The following GRM5 variants were observed in gnomAD, a reference collection of about 807,000 sequenced individuals.
The protein encoded by GRM5 is metabotropic glutamate receptor 5.
In GRM5, 19 loss-of-function variants were observed where a neutral mutation model predicts 83.1. That is an observed-to-expected ratio of 0.23 (90% confidence interval 0.16 to 0.34). The LOEUF (loss-of-function observed/expected upper bound fraction) is 0.34, where lower values mean the gene tolerates loss of function less well. Ranked by LOEUF, GRM5 falls within the 10% of genes least tolerant of loss-of-function variation. The probability of loss-of-function intolerance (pLI) is 1.00; values close to 1 mark genes in which losing one functional copy is unlikely to be tolerated. For synonymous variants in GRM5, 675 were observed against 633.6 expected (o/e 1.07, Z -0.98); for missense variants, 1,160 against 1,588.3 (o/e 0.73, Z 4.58).
intron 3 of GRM5, among the ~76,000 whole-genome samples, chr11:88,777,000 G>A (rs949481163): frequency 2.6e-5 from 4 of 152,118 alleles, no homozygotes; most frequent in African/African-American, 7.2e-5. Context: ...TGCTAGGTTG[G>A]GGAAGTTCTC....
chr11:88,881,966 G>C (rs1485736343), intron 2 of GRM5, among the ~76,000 whole-genome samples: 1 of 152,100 alleles, frequency 6.6e-6, no homozygotes, highest in Non-Finnish European at 1.5e-5. Context: ...GGAATGCTGG[G>C]CACGTTGGCT....
intron 3 of GRM5, among the ~76,000 whole-genome samples, chr11:88,783,102 A>G (rs989293574): frequency 2.6e-5 from 4 of 152,128 alleles, no homozygotes; most frequent in African/African-American, 9.6e-5. Context: ...GGTGGTATTT[A>G]AATCAATTAT....
chr11:88,558,376 A>G (rs1942674561), intron 8 of GRM5, among the ~76,000 whole-genome samples: 1 of 152,130 alleles, frequency 6.6e-6, no homozygotes, highest in African/African-American at 2.4e-5. Context: ...CATTCCAGTC[A>G]GTGTTTCTGC....
chr11:88,996,165 G>A (rs548750998), intron 2 of GRM5, among the ~76,000 whole-genome samples: 9 of 152,270 alleles, frequency 5.9e-5, no homozygotes, highest in African/African-American at 2.2e-4. Flanking sequence ...TAAACCCTGT[G>A]GGATAATTTT....
At chr11:88,736,729 C>A (rs894684721) in intron 3 of GRM5, among the ~76,000 whole-genome samples, 1 of 151,974 alleles carries the variant, frequency 6.6e-6, no homozygotes, top group Admixed American at 6.6e-5. Context: ...GATTCTCTGC[C>A]ATGTAATCCC....
chr11:88,752,355 G>T (rs966641314), intron 3 of GRM5, among the ~76,000 whole-genome samples: 6 of 152,114 alleles, frequency 3.9e-5, no homozygotes, highest in African/African-American at 1.4e-4. Context: ...ATTCACAATT[G>T]CTACAAAAAG....
At chr11:88,541,926 T>C (rs944261663) in intron 8 of GRM5, among the ~76,000 whole-genome samples, 2 of 152,176 alleles carry the variant, frequency 1.3e-5, no homozygotes, top group Non-Finnish European at 2.9e-5. Context: ...CTCATGATAG[T>C]GAGTGACTTC....
At chr11:89,024,040 AC>A (rs1019910376) in intron 2 of GRM5, among the ~76,000 whole-genome samples, 1 of 151,298 alleles carries the variant, frequency 6.6e-6, no homozygotes, top group Non-Finnish European at 1.5e-5. Flanking sequence ...ACGTGGTAAA[AC>A]CCCGTCTGTA....
intron 2 of GRM5, among the ~76,000 whole-genome samples, chr11:88,987,420 G>A (rs1235635033): frequency 3.0e-4 from 46 of 152,032 alleles, no homozygotes; most frequent in Non-Finnish European, 4.7e-4. Flanking sequence ...CAAGGCGGCA[G>A]CGAGGTTGGG....
At chr11:88,819,818 A>G (rs12280129) in intron 3 of GRM5, among the ~76,000 whole-genome samples, 3,874 of 152,246 alleles carry the variant, frequency 0.025, 172 homozygotes, top group African/African-American at 0.089. Context: ...TCTGGCAAGC[A>G]CTTTCTTGCT....
At position 89,060,074 on chromosome 11, in the gene GRM5, A is replaced by G. The variant is rs574374513; in HGVS notation, c.-201+5702T>C. ...TGAAGCCAGAGCCTGTACTTCCAAC[A>G]TACTACAACTCACTGGAAACCACAG... On this transcript the variant is annotated intron_variant, in intron 1 of 9. Coordinates refer to ENST00000305447, the MANE Select transcript of GRM5 (RefSeq NM_001143831.3). Among the ~76,000 whole-genome samples the G allele has an allele frequency of 3.3e-5, 5 of 152,256 alleles. No individual in the cohort carries two copies. The East Asian group carries it at 9.6e-4, about 29-fold the overall frequency.
chr11:88,972,880 C>T (rs529807608), intron 2 of GRM5, among the ~76,000 whole-genome samples: 1 of 152,268 alleles, frequency 6.6e-6, no homozygotes, highest in Admixed American at 6.5e-5. Context: ...GATATACACA[C>T]TGCAAAGAGC....
intron 2 of GRM5, among the ~76,000 whole-genome samples, chr11:89,023,166 C>T (rs59057890): frequency 0.1 from 12,072 of 118,156 alleles, 1,135 homozygotes; most frequent in African/African-American, 0.27. Flanking sequence ...TGTGTGTGTG[C>T]GCGCGCGTGC....
chr11:88,669,576 G>A (rs1207504573), intron 3 of GRM5, among the ~76,000 whole-genome samples: 2 of 151,894 alleles, frequency 1.3e-5, no homozygotes, highest in Non-Finnish European at 2.9e-5. Context: ...ATATACTACA[G>A]ATACACTATT....
chr11:88,988,663 C>T (rs578241159), intron 2 of GRM5, among the ~76,000 whole-genome samples: 5,640 of 151,110 alleles, frequency 0.037, 288 homozygotes, highest in African/African-American at 0.13. Context: ...GCGGATCTCT[C>T]GGCAGAAACC....
At chr11:88,646,870 A>C (rs1939470538) in intron 4 of GRM5, among the ~76,000 whole-genome samples, 2 of 147,754 alleles carry the variant, frequency 1.4e-5, no homozygotes, top group African/African-American at 4.9e-5. Context: ...AAATGAAGGA[A>C]TGTTAATTTT....
chr11:88,949,683 G>A (rs1421434729), intron 2 of GRM5, among the ~76,000 whole-genome samples: 2 of 152,066 alleles, frequency 1.3e-5, no homozygotes, highest in Admixed American at 1.3e-4. Flanking sequence ...GGAAATCTTT[G>A]AAATATATTA....
At chr11:89,027,327 C>A (rs1201677499) in intron 2 of GRM5, among the ~76,000 whole-genome samples, 1 of 150,862 alleles carries the variant, frequency 6.6e-6, no homozygotes, top group Non-Finnish European at 1.5e-5. Context: ...ATCTCTTGAC[C>A]TCGTGATCCA....
intron 3 of GRM5, among the ~76,000 whole-genome samples, chr11:88,697,825 C>T (rs1485135111): frequency 1.3e-5 from 2 of 152,184 alleles, no homozygotes; most frequent in African/African-American, 4.8e-5. Context: ...TATATAATCA[C>T]ATTTTGCCTG....
Sources: gnomAD v4.1 joint callset for allele counts (sites outside exome capture counted in the v4.1 genomes callset) on GRCh38, gnomAD v4.1.1 for gene constraint, MANE v1.5 for transcripts, NCBI Gene and HGNC (gene_info 2026-07-23, HGNC 2026-07-21) for gene names.